Variants in LIN54 observed in about 807,000 individuals in gnomAD.
LIN54 encodes the protein lin-54 DREAM MuvB core complex component, also known as protein lin-54 homolog.
In LIN54, 9 loss-of-function variants were observed where a neutral mutation model predicts 78.7. The observed-to-expected ratio is 0.11, with a 90% CI of 0.07 to 0.20. The LOEUF (loss-of-function observed/expected upper bound fraction) is 0.20, where lower values mean the gene tolerates loss of function less well. Ranked by LOEUF, LIN54 falls within the 10% of genes least tolerant of loss-of-function variation. The probability of loss-of-function intolerance (pLI) is 1.00; values close to 1 mark genes in which losing one functional copy is unlikely to be tolerated. For synonymous variants in LIN54, 269 were observed against 318.4 expected (o/e 0.84, Z 1.65); for missense variants, 573 against 889.9 (o/e 0.64, Z 4.53).
intron 1 of LIN54, among the ~76,000 whole-genome samples, chr4:82,994,742 T>C (rs1236771822): frequency 6.6e-6 from 1 of 152,016 alleles, no homozygotes; most frequent in Non-Finnish European, 1.5e-5. Context: ...GTATTCTATT[T>C]ATGTCAGTTA....
At chr4:82,932,483 G>A (rs1262890632) in intron 11 of LIN54, among the ~76,000 whole-genome samples, 1 of 151,528 alleles carries the variant, frequency 6.6e-6, no homozygotes, top group Non-Finnish European at 1.5e-5. Flanking sequence ...TGTAAAGGAA[G>A]GCTTTCCCAC....
At chr4:82,962,535 G>A (rs889114716) in intron 4 of LIN54, among the ~76,000 whole-genome samples, 3 of 152,012 alleles carry the variant, frequency 2.0e-5, no homozygotes, top group African/African-American at 7.2e-5. Flanking sequence ...AATTAATCAA[G>A]CTAGTAGAAA....
At chr4:82,960,722 T>C (rs765303234) in intron 4 of LIN54, among the ~76,000 whole-genome samples, 2 of 152,170 alleles carry the variant, frequency 1.3e-5, no homozygotes, top group African/African-American at 2.4e-5. Context: ...TTTATCTGAA[T>C]TCATCCCGTG....
intron 4 of LIN54, among the ~76,000 whole-genome samples, chr4:82,952,416 A>G (rs1463304730): frequency 1.3e-5 from 2 of 152,212 alleles, no homozygotes; most frequent in East Asian, 1.9e-4. Flanking sequence ...CAAAACTACA[A>G]TAAGATACTA....
At chr4:82,936,164 T>C (rs774042984) in intron 10 of LIN54, 46 bp from the exon 11 acceptor site, 1 of 1,610,026 alleles carries the variant, frequency 6.2e-7, no homozygotes, top group Non-Finnish European at 8.5e-7. Flanking sequence ...TCACAGTAGA[T>C]GAAATTTAAA....
chr4:82,955,091 G>T (rs1456880423), intron 4 of LIN54, among the ~76,000 whole-genome samples: 1 of 152,182 alleles, frequency 6.6e-6, no homozygotes, highest in African/African-American at 2.4e-5. Flanking sequence ...GAATGAACAG[G>T]CCGGGTACGG....
intron 5 of LIN54, among the ~76,000 whole-genome samples, chr4:82,942,855 C>T (rs967632617): frequency 7.3e-4 from 45 of 61,968 alleles, no homozygotes; most frequent in South Asian, 1.5e-3. Context: ...TGTGCGTGTG[C>T]GCGCGCACAC....
intron 1 of LIN54, 55 bp from the exon 2 acceptor site, chr4:82,984,931 A>C: frequency 8.1e-7 from 1 of 1,236,216 alleles, no homozygotes; most frequent in South Asian, 1.5e-5. Context: ...GATGTAAGAA[A>C]AAAATTCAAA....
At chr4:83,003,870 G>T (rs1030102561) in intron 1 of LIN54, among the ~76,000 whole-genome samples, 1 of 152,094 alleles carries the variant, frequency 6.6e-6, no homozygotes, top group African/African-American at 2.4e-5. Context: ...CATTTCAATA[G>T]TATTTTTATA....
chr4:82,952,486 C>T (rs1344425199), intron 4 of LIN54, among the ~76,000 whole-genome samples: 2 of 152,156 alleles, frequency 1.3e-5, no homozygotes, highest in African/African-American at 4.8e-5. Flanking sequence ...TGTAGAGAAA[C>T]TGGAATCTTT....
intron 1 of LIN54, among the ~76,000 whole-genome samples, chr4:82,996,627 A>G (rs750775898): frequency 4.6e-5 from 7 of 151,894 alleles, no homozygotes; most frequent in Non-Finnish European, 8.8e-5. Context: ...GCTGGTCTCG[A>G]ACTCTTGACC....
At chr4:82,937,162 C>T (rs781430153) in intron 9 of LIN54, 65 bp downstream of exon 9, 23 of 849,706 alleles carry the variant, frequency 2.7e-5, no homozygotes, top group African/African-American at 2.3e-4. Flanking sequence ...TTTTAGTTAA[C>T]TCCATTTACT....
intron 4 of LIN54, among the ~76,000 whole-genome samples, chr4:82,950,344 C>A (rs1723756794): frequency 6.6e-6 from 1 of 152,174 alleles, no homozygotes; most frequent in South Asian, 2.1e-4. Context: ...AGCCCTAACC[C>A]TTAGCAACCA....
intron 4 of LIN54, among the ~76,000 whole-genome samples, chr4:82,947,235 A>ATATTTTTTTTTT: frequency 0.016 from 688 of 44,284 alleles, 46 homozygotes; most frequent in Middle Eastern, 0.038. Flanking sequence ...ATATATATAT[A>ATATTTTTTTTTT]TTTTTTTTTT....
chr4:83,001,947 G>GA lies in LIN54; in HGVS notation c.-33+8536dup, dbSNP rs1459833506. Among the ~76,000 whole-genome samples the GA allele has an allele frequency of 8.6e-4, 6 of 7,004 alleles. 1 individual carries two copies. Among genetic ancestry groups the GA allele is most frequent in the Admixed American group, 2.5e-3 (1 of 408 alleles). The allele number at this position is 7,004 out of a possible 152,430, so 4.6% of individuals were successfully genotyped here. ...GGAGGGAGGGAAGGAAGGAAGGAAGGAAGGAAGGAAGGAAGGAAGGAAGGA... is the reference window on the plus strand; with the variant it reads ...GGAGGGAGGGAAGGAAGGAAGGAAGGAAAGGAAGGAAGGAAGGAAGGAAGGA... On this transcript the variant is annotated intron_variant, in intron 1 of 12. Transcript: ENST00000340417.
intron 2 of LIN54, among the ~76,000 whole-genome samples, chr4:82,980,388 CATGA>C (rs1276953416): frequency 6.6e-6 from 1 of 152,030 alleles, no homozygotes. Context: ...ATATGACCAA[CATGA>C]ATAACAGAAA....
rs186700254 is a variant in LIN54 at position 82,982,934 on chromosome 4, C to T, written c.684+1227G>A. Among the ~76,000 whole-genome samples, 403 of 152,064 alleles carry T rather than the reference C, an allele frequency of 2.7e-3. 1 individual carries two copies. The highest frequency in any genetic ancestry group is 9.8e-3 in the Admixed American group (150 of 15,268). ...TTATGCATTTCCTATTATTTCTATG[C>T]ATTCAAAGACAACTCTTTCAAACAG... is the stretch of plus-strand genomic sequence containing the variant. On this transcript the variant is annotated intron_variant, in intron 2 of 12. Coordinates refer to ENST00000340417, the MANE Select transcript of LIN54 (RefSeq NM_194282.4).
At chr4:82,987,632 T>C (rs1442882233) in intron 1 of LIN54, among the ~76,000 whole-genome samples, 1 of 152,186 alleles carries the variant, frequency 6.6e-6, no homozygotes, top group Admixed American at 6.5e-5. Context: ...CATGCAGTGT[T>C]TGGTTTTCTG....
At chr4:82,928,335 G>T (rs1438897394) in intron 12 of LIN54, 32 bp from the exon 13 acceptor site, 12 of 1,547,508 alleles carry the variant, frequency 7.8e-6, no homozygotes, top group Non-Finnish European at 9.8e-6. Flanking sequence ...AAAGATGATG[G>T]TGGTGTTAAA....
Sources: gnomAD v4.1 joint callset for allele counts (sites outside exome capture counted in the v4.1 genomes callset) on GRCh38, gnomAD v4.1.1 for gene constraint, MANE v1.5 for transcripts, NCBI Gene and HGNC (gene_info 2026-07-23, HGNC 2026-07-21) for gene names.